ZPLD1: variants seen among roughly 807,000 people sequenced by gnomAD.
ZPLD1 encodes zona pellucida like domain containing 1.
Under a neutral mutation model 47.2 loss-of-function variants are expected in ZPLD1, and 34 were observed. The ratio of observed to expected loss-of-function variants is 0.72; its 90% CI spans 0.55 to 0.96. The LOEUF (loss-of-function observed/expected upper bound fraction) is 0.96, where lower values mean the gene tolerates loss of function less well. Among genes scored for constraint, ZPLD1 ranks in the 40% least tolerant of loss-of-function variants. ZPLD1 has a pLI of 0.00. For synonymous variants in ZPLD1, 176 were observed against 186.2 expected (o/e 0.95, Z 0.45); for missense variants, 512 against 505.8 (o/e 1.01, Z -0.12).
chr3:102,460,490 A>G (rs1707489619), intron 6 of ZPLD1, among the ~76,000 whole-genome samples: 1 of 152,028 alleles, frequency 6.6e-6, no homozygotes, highest in South Asian at 2.1e-4. Flanking sequence ...AGTTTTGTTC[A>G]TTGTGGAAAT....
At position 102,456,211 on chromosome 3, in the gene ZPLD1, G is replaced by T; in HGVS notation, c.346G>T (p.Val116Phe). The change falls in exon 5 of 12, where the codon GTC becomes TTC. Residue 116 changes from valine to phenylalanine, a missense_variant. Coordinates refer to ENST00000466937, the MANE Select transcript of ZPLD1 (RefSeq NM_001329788.2). Reference protein sequence around the residue: ...NNLVVSTIPGVSAYGNATSVQ... With the variant: ...NNLVVSTIPGFSAYGNATSVQ... ...CTAACAGGTATCCACAATTCCTGGA[G>T]TCAGTGCTTATGGAAATGCAACTTC... 1 of 1,613,230 alleles carries T rather than the reference G, an allele frequency of 6.2e-7. No individual in the cohort carries two copies.
intron 7 of ZPLD1, among the ~76,000 whole-genome samples, chr3:102,404,929 A>G (rs1040897044): frequency 6.6e-6 from 1 of 151,986 alleles, no homozygotes; most frequent in Non-Finnish European, 1.5e-5. Flanking sequence ...ATATTCTCAG[A>G]GACATTCCCC....
chr3:102,433,821 G>T (rs550916647), upstream of ZPLD1, among the ~76,000 whole-genome samples: 43 of 152,236 alleles, frequency 2.8e-4, no homozygotes, highest in African/African-American at 9.9e-4. Context: ...GAGCCACCGC[G>T]CCTGGCCAAG....
At chr3:102,386,697 C>A (rs975359162) in intron 6 of ZPLD1, among the ~76,000 whole-genome samples, 5 of 152,178 alleles carry the variant, frequency 3.3e-5, no homozygotes, top group African/African-American at 1.2e-4. Flanking sequence ...AAATTGAAAT[C>A]ATAATATTTA....
At chr3:102,436,211 CAGTG>C (rs1157600865) in intron 1 of ZPLD1, among the ~76,000 whole-genome samples, 1 of 152,166 alleles carries the variant, frequency 6.6e-6, no homozygotes, top group African/African-American at 2.4e-5. Context: ...TACTTGTTCT[CAGTG>C]AGCTGTTTCA....
At chr3:102,392,603 C>T (rs1489461361) in intron 7 of ZPLD1, among the ~76,000 whole-genome samples, 1 of 146,054 alleles carries the variant, frequency 6.8e-6, no homozygotes, top group Non-Finnish European at 1.5e-5. Context: ...TCTTCTTCTG[C>T]CATCAGTTCC....
chr3:102,457,011 T>C (rs1454986721), intron 5 of ZPLD1, among the ~76,000 whole-genome samples: 2 of 152,234 alleles, frequency 1.3e-5, no homozygotes, highest in African/African-American at 4.8e-5. Context: ...GAGAGGGCTA[T>C]GCCCACATTA....
chr3:102,447,650 T>C (rs190073737), intron 3 of ZPLD1, among the ~76,000 whole-genome samples: 1 of 152,170 alleles, frequency 6.6e-6, no homozygotes, highest in Non-Finnish European at 1.5e-5. Flanking sequence ...CCAACAGTAC[T>C]GAGATGAACT....
chr3:102,478,937 C>A lies in ZPLD1; in HGVS notation c.*1319C>A, dbSNP rs1208430301. Reference sequence around the variant, plus strand: ...TAATTTCTATTCAACATTTGTGACCCATTAGTCCGGACTTAATTTACTATA... The same window carrying A: ...TAATTTCTATTCAACATTTGTGACCAATTAGTCCGGACTTAATTTACTATA... On this transcript the variant is annotated 3_prime_UTR_variant, in exon 12 of 12. Transcript: ENST00000466937. 4 of 152,172 alleles carry A rather than the reference C, an allele frequency of 2.6e-5. No homozygotes were observed. Among genetic ancestry groups the A allele is most frequent in the African/African-American group, 9.6e-5 (4 of 41,452 alleles). 9.4% of individuals were successfully genotyped at this position (152,172 alleles called of 1,614,324 possible). A position where few individuals can be genotyped will look rare whatever the true frequency, so the allele number is the denominator to read the frequency against.
intron 6 of ZPLD1, among the ~76,000 whole-genome samples, chr3:102,389,185 A>G (rs1448027293): frequency 6.6e-6 from 1 of 152,224 alleles, no homozygotes; most frequent in Non-Finnish European, 1.5e-5. Flanking sequence ...AAATGGACTA[A>G]GTATGCCCTG....
In ZPLD1 at chr3:102,478,567, T is replaced by C. The variant is rs1707794006; in HGVS notation, c.*949T>C. 6.6e-6 allele frequency: 1 copy of C among 151,002 alleles called. No individual in the cohort carries two copies. The highest frequency in any genetic ancestry group is 1.5e-5 in the Non-Finnish European group (1 of 67,644). 9.4% of individuals were successfully genotyped at this position (151,002 alleles called of 1,614,324 possible). ...TAGGTTAAGTGTAGTTTGCAGAACA[T>C]TGTTGGAATCTACATAAAAAGATAT... On this transcript the variant is annotated 3_prime_UTR_variant, in exon 12 of 12. Transcript: ENST00000466937.
chr3:102,442,319 AACACACACACACACACAC>A (rs34634788), intron 3 of ZPLD1, among the ~76,000 whole-genome samples: 21 of 139,944 alleles, frequency 1.5e-4, no homozygotes, highest in East Asian at 6.5e-4. Context: ...TACACCCATA[AACACACACACACACACAC>A]ACACACACAC....
intron 7 of ZPLD1, among the ~76,000 whole-genome samples, chr3:102,404,120 G>A (rs984656123): frequency 6.6e-6 from 1 of 151,898 alleles, no homozygotes; most frequent in African/African-American, 2.4e-5. Flanking sequence ...AAAATCCAGA[G>A]CTTCAATAAG....
At chr3:102,391,556 T>A (rs916523176) in intron 6 of ZPLD1, among the ~76,000 whole-genome samples, 3 of 152,048 alleles carry the variant, frequency 2.0e-5, no homozygotes, top group Admixed American at 6.6e-5. Flanking sequence ...ATTGGGAACA[T>A]GTTATAAGGA....
At chr3:102,447,707 A>T (rs546131392) in intron 3 of ZPLD1, among the ~76,000 whole-genome samples, 1 of 152,304 alleles carries the variant, frequency 6.6e-6, no homozygotes, top group South Asian at 2.1e-4. Context: ...CCTCAGTTGA[A>T]TGCTGTTAGA....
intron 7 of ZPLD1, among the ~76,000 whole-genome samples, chr3:102,412,922 C>T (rs759305167): frequency 4.6e-5 from 7 of 151,532 alleles, no homozygotes; most frequent in African/African-American, 1.4e-4. Context: ...GCATTGAGGG[C>T]GTATTGGATT....
At chr3:102,466,826 G>T (rs1297236808) in intron 8 of ZPLD1, among the ~76,000 whole-genome samples, 1 of 151,836 alleles carries the variant, frequency 6.6e-6, no homozygotes, top group Non-Finnish European at 1.5e-5. Flanking sequence ...GAAATAAAAA[G>T]GTGAGAAAGG....
At position 102,469,029 on chromosome 3, in the gene ZPLD1, T is replaced by C. The variant is rs985531515; in HGVS notation, c.827T>C (p.Phe276Ser). ...NGRSQRGRFS[F>S]EVFRFVKHKN... ...CGAAGCCAGCGGGGCCGGTTTTCTT[T>C]TGAAGTGTTCCGATTTGTGAAACAC... The change falls in exon 9 of 12, where the codon TTT becomes TCT. Residue 276 changes from phenylalanine to serine, a missense_variant. Physicochemically the swap from Phe to Ser is radical, Grantham distance 155. Coordinates refer to ENST00000466937, the MANE Select transcript of ZPLD1 (RefSeq NM_001329788.2). 1 of 1,614,150 alleles carries C rather than the reference T, an allele frequency of 6.2e-7. No individual in the cohort carries two copies. The highest frequency in any genetic ancestry group is 8.5e-7 in the Non-Finnish European group (1 of 1,179,998).
At chr3:102,470,738 A>G (rs1217652150) in intron 10 of ZPLD1, among the ~76,000 whole-genome samples, 1 of 151,744 alleles carries the variant, frequency 6.6e-6, no homozygotes, top group East Asian at 1.9e-4. Context: ...ACACACACAC[A>G]CACACACACG....
Sources: allele counts gnomAD v4.1 joint callset (sites outside exome capture counted in the v4.1 genomes callset), GRCh38; gene constraint gnomAD v4.1.1; transcripts MANE v1.5; gene names NCBI Gene and HGNC (gene_info 2026-07-23, HGNC 2026-07-21).